Variants in NSF observed in about 807,000 individuals in gnomAD.
The protein encoded by NSF is N-ethylmaleimide sensitive factor, vesicle fusing ATPase.
A neutral mutation model predicts 50.3 loss-of-function variants in NSF; 14 were observed. The observed-to-expected ratio is 0.28, with a 90% CI of 0.18 to 0.44. The LOEUF (loss-of-function observed/expected upper bound fraction) is 0.44, where lower values mean the gene tolerates loss of function less well. Among genes scored for constraint, NSF ranks in the 20% least tolerant of loss-of-function variants. The probability of loss-of-function intolerance (pLI) is 1.00; values close to 1 mark genes in which losing one functional copy is unlikely to be tolerated. For synonymous variants in NSF, 109 were observed against 175.7 expected, an observed-to-expected ratio of 0.62 and a Z score of 3.00; for missense variants, 218 against 504.3, an observed-to-expected ratio of 0.43 and a Z score of 5.44.
chr17:46,691,570 G>A (rs1018507213), intron 9 of NSF, among the ~76,000 whole-genome samples: 1 of 150,728 alleles, frequency 6.6e-6, no homozygotes, highest in Non-Finnish European at 1.5e-5. Context: ...ACTCCAGCCT[G>A]GGCAGCAGAG....
At chr17:46,676,626 G>A (rs2058412189) in intron 9 of NSF, among the ~76,000 whole-genome samples, 1 of 124,814 alleles carries the variant, frequency 8.0e-6, no homozygotes, top group Non-Finnish European at 1.6e-5. Context: ...CCGAAGCTGA[G>A]AAATTAGTTA....
chr17:46,731,363 C>G (rs1183479730), intron 17 of NSF, among the ~76,000 whole-genome samples: 1 of 152,050 alleles, frequency 6.6e-6, no homozygotes, highest in Non-Finnish European at 1.5e-5. Flanking sequence ...AGGGTCACTG[C>G]TAATGGGTAT....
intron 17 of NSF, among the ~76,000 whole-genome samples, chr17:46,736,374 A>G (rs189976774): frequency 3.8e-4 from 58 of 152,258 alleles, no homozygotes; most frequent in Non-Finnish European, 6.5e-4. Flanking sequence ...TCATGGTGCA[A>G]CAAAGTGGTG....
chr17:46,622,581 G>C (rs1462876055), intron 1 of NSF, among the ~76,000 whole-genome samples: 2 of 147,732 alleles, frequency 1.4e-5, no homozygotes, highest in East Asian at 4.2e-4. Flanking sequence ...TCAGGAGTTC[G>C]AGACCAGCCT....
intron 4 of NSF, among the ~76,000 whole-genome samples, chr17:46,635,914 C>T (rs2058184112): frequency 1.9e-5 from 2 of 104,252 alleles, no homozygotes. Flanking sequence ...TGCAAAAATC[C>T]TCTTGAACTT....
intron 17 of NSF, 151 bp downstream of exon 17, chr17:46,729,085 T>A (rs1442966586): frequency 7.4e-6 from 4 of 543,858 alleles, no homozygotes; most frequent in Non-Finnish European, 1.3e-5. Flanking sequence ...TTGACTTCTG[T>A]TTAAGGTAAA....
chr17:46,638,750 C>G (rs994654735), intron 5 of NSF, among the ~76,000 whole-genome samples: 4 of 128,228 alleles, frequency 3.1e-5, no homozygotes, highest in African/African-American at 1.3e-4. Flanking sequence ...TCAAGTGATC[C>G]TCCCACCTCG....
chr17:46,707,542 T>C (rs1231049866), intron 13 of NSF, among the ~76,000 whole-genome samples: 1 of 152,092 alleles, frequency 6.6e-6, no homozygotes. Context: ...AACTCTTTTT[T>C]CCCTCCCCTA....
chr17:46,716,653 C>T (rs1302960502), intron 15 of NSF, among the ~76,000 whole-genome samples: 1 of 152,072 alleles, frequency 6.6e-6, no homozygotes, highest in Non-Finnish European at 1.5e-5. Context: ...TGGAGAAAAC[C>T]TTTCTTTTGT....
At chr17:46,721,801 C>G (rs1429791753) in intron 15 of NSF, 1 of 1,601,028 alleles carries the variant, frequency 6.2e-7, no homozygotes, top group Non-Finnish European at 8.6e-7. Flanking sequence ...GCACAGCTGT[C>G]AGAGTACGGC....
intron 17 of NSF, among the ~76,000 whole-genome samples, chr17:46,741,454 G>T (rs1486525715): frequency 6.6e-6 from 1 of 152,142 alleles, no homozygotes; most frequent in Non-Finnish European, 1.5e-5. Flanking sequence ...CATGAGGATG[G>T]TTACAAAGAA....
At chr17:46,729,951 T>A (rs773025836) in intron 17 of NSF, among the ~76,000 whole-genome samples, 28 of 152,120 alleles carry the variant, frequency 1.8e-4, no homozygotes, top group Non-Finnish European at 3.7e-4. Flanking sequence ...GATTTTTAAA[T>A]CAGCTTTTCA....
rs532985304 is a variant in NSF, at chr17:46,756,110, G to A, written c.*287G>A. On this transcript the variant is annotated 3_prime_UTR_variant, in exon 21 of 21. Transcript: ENST00000398238. ...AGTCCCTCTGGGTGGGAACCATCCA[G>A]TACTTGTGGACACTACACGTTTCAA... 34 of 363,542 alleles carry A rather than the reference G, an allele frequency of 9.4e-5. No individual in the cohort carries two copies. The highest frequency in any genetic ancestry group is 1.7e-4 in the Non-Finnish European group (34 of 199,888). The allele number at this position is 363,542 out of a possible 1,614,324, so 22.5% of individuals were successfully genotyped here.
At chr17:46,734,095 G>A (rs2058976837) in intron 17 of NSF, among the ~76,000 whole-genome samples, 1 of 152,090 alleles carries the variant, frequency 6.6e-6, no homozygotes, top group Admixed American at 6.6e-5. Flanking sequence ...TGACATCTTA[G>A]CAGTCTTACT....
chr17:46,745,385 G>A (rs886104417), intron 17 of NSF, among the ~76,000 whole-genome samples: 5 of 152,194 alleles, frequency 3.3e-5, no homozygotes, highest in Non-Finnish European at 7.3e-5. Flanking sequence ...ACTTGCCTGG[G>A]TCATGACCTC....
At chr17:46,730,793 A>G (rs1252001301) in intron 17 of NSF, among the ~76,000 whole-genome samples, 1 of 152,190 alleles carries the variant, frequency 6.6e-6, no homozygotes, top group African/African-American at 2.4e-5. Context: ...AATGGCCAAC[A>G]AGTATAAGAA....
chr17:46,716,450 G>T (rs562702022), intron 15 of NSF, among the ~76,000 whole-genome samples: 1 of 152,084 alleles, frequency 6.6e-6, no homozygotes, highest in South Asian at 2.1e-4. Context: ...GTAGAGATGG[G>T]GTTTCACCGT....
chr17:46,707,356 T>C (rs1313151891), intron 13 of NSF, among the ~76,000 whole-genome samples: 2 of 152,232 alleles, frequency 1.3e-5, no homozygotes, highest in Admixed American at 1.3e-4. Flanking sequence ...ATATACTCTT[T>C]TTTTCTCAAT....
intron 17 of NSF, among the ~76,000 whole-genome samples, chr17:46,732,658 ACAT>A (rs1262028106): frequency 2.6e-5 from 4 of 152,184 alleles, no homozygotes; most frequent in African/African-American, 9.7e-5. Context: ...AGAGTGAAAA[ACAT>A]CATCACATTT....
Sources: gnomAD v4.1 joint callset for allele counts (sites outside exome capture counted in the v4.1 genomes callset) on GRCh38, gnomAD v4.1.1 for gene constraint, MANE v1.5 for transcripts, NCBI Gene and HGNC (gene_info 2026-07-23, HGNC 2026-07-21) for gene names.